CEP55: variants seen among roughly 807,000 people sequenced by gnomAD.
CEP55 encodes centrosomal protein of 55 kDa.
In CEP55, 57 loss-of-function variants were observed where a neutral mutation model predicts 63.2. The ratio of observed to expected loss-of-function variants is 0.90; its 90% CI spans 0.73 to 1.13. CEP55 has a LOEUF of 1.13. CEP55 is among the 50% of genes most tolerant of loss of function. CEP55 has a pLI of 0.00. For missense variants in CEP55, 456 were observed against 518.9 expected, an observed-to-expected ratio of 0.88 and a Z score of 1.18; for synonymous variants, 178 against 191.6, an observed-to-expected ratio of 0.93 and a Z score of 0.59.
chr10:93,506,710 G>A (rs954275778), intron 3 of CEP55, among the ~76,000 whole-genome samples: 2 of 152,172 alleles, frequency 1.3e-5, no homozygotes, highest in Admixed American at 6.5e-5. Flanking sequence ...TGGGATTATA[G>A]GCACAGGCCA....
At position 93,528,392 on chromosome 10, in the gene CEP55, T is replaced by C; in HGVS notation, c.*239T>C. 2 of 526,486 alleles carry C rather than the reference T, an allele frequency of 3.8e-6. No homozygotes were observed. The highest frequency in any genetic ancestry group is 4.6e-5 in the South Asian group (2 of 43,818). 32.6% of individuals were successfully genotyped at this position (526,486 alleles called of 1,614,324 possible). A position where few individuals can be genotyped will look rare whatever the true frequency, so the allele number is the denominator to read the frequency against. ...ACAGAATGTGGTGAGCAGCGTCTAC[T>C]GAGACTACTAACATTTTGCACTGTC... is the stretch of plus-strand genomic sequence containing the variant. On this transcript the variant is annotated 3_prime_UTR_variant, in exon 9 of 9. Transcript: ENST00000371485.
intron 4 of CEP55, among the ~76,000 whole-genome samples, 191 bp from the exon 5 acceptor site, chr10:93,515,214 T>TA (rs2057791379): frequency 6.6e-6 from 1 of 152,180 alleles, no homozygotes; most frequent in Non-Finnish European, 1.5e-5. Flanking sequence ...ATGAACTTAA[T>TA]CCCACATAAA....
At chr10:93,507,225 C>CTTT (rs137998042) in intron 4 of CEP55, among the ~76,000 whole-genome samples, 169 bp downstream of exon 4, 19 of 134,516 alleles carry the variant, frequency 1.4e-4, no homozygotes, top group Admixed American at 2.3e-4. Context: ...AGCATAGTCC[C>CTTT]TTTTTTTTTT....
intron 4 of CEP55, among the ~76,000 whole-genome samples, chr10:93,509,345 C>T (rs979829247): frequency 2.6e-5 from 4 of 152,124 alleles, no homozygotes; most frequent in Non-Finnish European, 5.9e-5. Context: ...GTGGTCTAGA[C>T]TGAGCAAGAT....
chr10:93,510,547 A>T (rs1196540051), intron 4 of CEP55: 2 of 152,274 alleles, frequency 1.3e-5, no homozygotes, highest in East Asian at 3.9e-4. Context: ...TGAATTGTAC[A>T]TATCCACAGC....
chr10:93,517,183 G>T lies in CEP55; in HGVS notation c.928G>T (p.Glu310Ter). The change falls in exon 6 of 9, where the codon GAG becomes TAG. Residue 310 changes from glutamate (E) to a stop codon, truncating the protein, a stop_gained. Transcript: ENST00000371485. LOFTEE classifies it high-confidence loss of function. ...KTEKIQKLREENDIARGKLEE... is the reference protein window; with the variant it reads ...KTEKIQKLRE ...AGAGAAGATACAAAAACTCAGGGAA[G>T]AGAATGATATTGCTAGGGGAAAACT... is the stretch of plus-strand genomic sequence containing the variant. The T allele has an allele frequency of 6.2e-7, 1 of 1,613,420 alleles. No individual in the cohort carries two copies. The highest frequency in any genetic ancestry group is 8.5e-7 in the Non-Finnish European group (1 of 1,179,750).
intron 6 of CEP55, 119 bp downstream of exon 6, chr10:93,517,367 T>C: frequency 1.4e-6 from 1 of 710,822 alleles, no homozygotes; most frequent in Admixed American, 3.1e-5. Context: ...CTCATGGGAG[T>C]TATATTCCAG....
intron 5 of CEP55, among the ~76,000 whole-genome samples, chr10:93,516,137 C>G (rs10882260): frequency 0.6 from 91,176 of 151,962 alleles, 28,131 homozygotes; most frequent in Admixed American, 0.68. Context: ...TTTAGCAATT[C>G]TAGATGACAA....
intron 5 of CEP55, 134 bp from the exon 6 acceptor site, chr10:93,516,801 T>C: frequency 1.6e-6 from 1 of 620,304 alleles, no homozygotes. Flanking sequence ...ATATCAACCA[T>C]AGTCCCTATC....
intron 4 of CEP55, among the ~76,000 whole-genome samples, chr10:93,511,583 A>T (rs1382418382): frequency 6.6e-6 from 1 of 151,838 alleles, no homozygotes; most frequent in African/African-American, 2.4e-5. Flanking sequence ...TAAGTGATGT[A>T]TGGTTCCTTT....
In CEP55 at chr10:93,503,321, A is replaced by G. The variant is rs1019893837; in HGVS notation, c.392A>G (p.Gln131Arg). The change falls in exon 3 of 9, where the codon CAG becomes CGG. Residue 131 changes from glutamine to arginine, a missense_variant. Physicochemically the swap from Gln to Arg is conservative, Grantham distance 43 (BLOSUM62 1). Coordinates refer to ENST00000371485, the MANE Select transcript of CEP55 (RefSeq NM_018131.5). ...LSEEKDVLKQ[Q>R]LSAATSRIAE... is the part of the protein sequence containing the mutation. ...GAAGAGAAAGACGTATTGAAACAAC[A>G]GTTGTCTGCTGCAACCTCACGAATT... is the stretch of plus-strand genomic sequence containing the variant. 1.2e-6 allele frequency: 2 copies of G among 1,614,118 alleles called. No individual in the cohort carries two copies. The highest frequency in any genetic ancestry group is 2.7e-5 in the African/African-American group (2 of 74,952).
Position 93,521,786 on chromosome 10 carries a change from C to G in CEP55, c.1191+1979C>G, listed in dbSNP as rs188757337. On this transcript the variant is annotated intron_variant, in intron 8 of 8. Coordinates refer to ENST00000371485, the MANE Select transcript of CEP55 (RefSeq NM_018131.5). ...ATCAGGCAGCAACATTTGCTGTTCACCAATATTCGCTGTTCTGCAGCCTCC... is the reference window on the plus strand; with the variant it reads ...ATCAGGCAGCAACATTTGCTGTTCAGCAATATTCGCTGTTCTGCAGCCTCC... 2.6e-4 allele frequency among the ~76,000 whole-genome samples: 39 copies of G among 152,294 alleles called. 1 individual carries two copies. The East Asian group carries it at 7.5e-3, about 29-fold the overall frequency.
intron 8 of CEP55, among the ~76,000 whole-genome samples, chr10:93,523,621 A>G (rs577879411): frequency 3.0e-4 from 46 of 152,324 alleles, no homozygotes; most frequent in African/African-American, 1.1e-3. Flanking sequence ...TCCACCTCAA[A>G]TCAACAGAAT....
At chr10:93,519,006 CT>C in intron 7 of CEP55, 58 bp downstream of exon 7, 1 of 1,342,030 alleles carries the variant, frequency 7.5e-7, no homozygotes, top group Non-Finnish European at 1.1e-6. Context: ...GCAGTTTTTC[CT>C]CATGTTTATG....
Position 93,515,335 on chromosome 10 carries a change from G to C in CEP55, c.529-70G>C. 4 of 1,401,094 alleles carry C rather than the reference G, an allele frequency of 2.9e-6. No individual in the cohort carries two copies. The South Asian group carries it at 5.3e-5, about 19-fold the overall frequency. 86.8% of individuals were successfully genotyped at this position (1,401,094 alleles called of 1,614,324 possible). ...TTGTTGGAAAAGACTACATCACTTG[G>C]ACTCTCTTGCCCATTTTAAGATTTT... On this transcript the variant is annotated intron_variant, in intron 4 of 8. Coordinates refer to ENST00000371485, the MANE Select transcript of CEP55 (RefSeq NM_018131.5).
intron 8 of CEP55, among the ~76,000 whole-genome samples, chr10:93,521,876 C>G (rs960820204): frequency 7.9e-5 from 12 of 152,232 alleles, no homozygotes; most frequent in Non-Finnish European, 1.8e-4. Context: ...AGACCTGCAT[C>G]TGAGGGTCCT....
chr10:93,517,040 T>G lies in CEP55; in HGVS notation c.785T>G (p.Leu262Arg), dbSNP rs1192559736. ...RQTITQLSFE[L>R]SEFRRKYEET... The stretch of plus-strand genomic sequence containing the variant: ...ACCATAACTCAGCTGAGTTTTGAAC[T>G]GAGTGAATTTCGAAGAAAATATGAA... The change falls in exon 6 of 9, where the codon CTG (leucine) becomes CGG (arginine). Residue 262 changes from leucine to arginine, a missense_variant. Leu to Arg is a moderately radical substitution (Grantham distance 102). Coordinates refer to ENST00000371485, the MANE Select transcript of CEP55 (RefSeq NM_018131.5). The G allele has an allele frequency of 1.2e-6, 2 of 1,613,960 alleles. No individual in the cohort carries two copies. The highest frequency in any genetic ancestry group is 4.5e-5 in the East Asian group (2 of 44,882).
intron 4 of CEP55, among the ~76,000 whole-genome samples, chr10:93,509,468 CATTATTATTATTATT>C (rs10606106): frequency 1.4e-5 from 2 of 147,212 alleles, no homozygotes; most frequent in African/African-American, 2.5e-5. Flanking sequence ...GAACCATTAA[CATTATTATTATTATT>C]ATTATTATTA....
intron 8 of CEP55, among the ~76,000 whole-genome samples, chr10:93,522,425 T>TA (rs1257246570): frequency 6.6e-6 from 1 of 152,054 alleles, no homozygotes; most frequent in Non-Finnish European, 1.5e-5. Context: ...CTCCAAGAAA[T>TA]ATGGGACTGT....
Sources: allele counts gnomAD v4.1 joint callset (sites outside exome capture counted in the v4.1 genomes callset), GRCh38; gene constraint gnomAD v4.1.1; transcripts MANE v1.5; gene names NCBI Gene and HGNC (gene_info 2026-07-23, HGNC 2026-07-21).